The following HECW2 variants were observed in gnomAD, a reference collection of about 807,000 sequenced individuals.
The protein encoded by HECW2 is E3 ubiquitin-protein ligase HECW2.
A neutral mutation model predicts 175.2 loss-of-function variants in HECW2; 61 were observed. The observed-to-expected ratio is 0.35, with a 90% confidence interval of 0.28 to 0.43. The LOEUF (loss-of-function observed/expected upper bound fraction) is 0.43. Ranked by LOEUF, HECW2 falls within the 20% of genes least tolerant of loss-of-function variation. The probability of loss-of-function intolerance (pLI) is 1.00; values close to 1 mark genes in which losing one functional copy is unlikely to be tolerated. For missense variants in HECW2, 1,524 were observed against 2,000.5 expected (o/e 0.76, Z 4.54); for synonymous variants, 671 against 731.0 (o/e 0.92, Z 1.32).
At chr2:196,573,156 T>C (rs1690444198) in intron 1 of HECW2, among the ~76,000 whole-genome samples, 2 of 151,430 alleles carry the variant, frequency 1.3e-5, no homozygotes, top group African/African-American at 2.4e-5. Flanking sequence ...CAGGCAGTTT[T>C]ATAATTCAGT....
At chr2:196,264,107 T>C (rs1022598474) in intron 17 of HECW2, 4 of 152,212 alleles carry the variant, frequency 2.6e-5, no homozygotes, top group African/African-American at 9.6e-5. Context: ...TTTTGTTTGC[T>C]TTGTAAGAAA....
chr2:196,211,762 C>G (rs963347744), intron 28 of HECW2, among the ~76,000 whole-genome samples: 2 of 152,148 alleles, frequency 1.3e-5, no homozygotes, highest in Admixed American at 6.5e-5. Flanking sequence ...CAGGACTGCC[C>G]TCATCCTTTA....
intron 21 of HECW2, among the ~76,000 whole-genome samples, chr2:196,231,096 A>AAAAAG: frequency 6.7e-6 from 1 of 149,576 alleles, no homozygotes; most frequent in Non-Finnish European, 1.5e-5. Context: ...CCGTCTCAAA[A>AAAAAG]AAAAAAAAAA....
chr2:196,288,506 CA>C (rs1014460014), intron 14 of HECW2: 1 of 152,352 alleles, frequency 6.6e-6, no homozygotes, highest in African/African-American at 2.4e-5. Flanking sequence ...GCCATTCTCT[CA>C]GACCACCATG....
intron 17 of HECW2, among the ~76,000 whole-genome samples, chr2:196,269,721 G>A (rs1247453580): frequency 6.6e-6 from 1 of 152,036 alleles, no homozygotes; most frequent in East Asian, 1.9e-4. Flanking sequence ...AACGCATAAG[G>A]ACTTGAAAAG....
intron 1 of HECW2, among the ~76,000 whole-genome samples, chr2:196,515,571 A>T (rs1384920205): frequency 6.6e-6 from 1 of 152,156 alleles, no homozygotes. Context: ...ACAACATGCA[A>T]CCCTTTCCAA....
chr2:196,359,531 G>A (rs561231709), intron 2 of HECW2, among the ~76,000 whole-genome samples: 15 of 152,292 alleles, frequency 9.8e-5, no homozygotes, highest in African/African-American at 3.6e-4. Context: ...AATAGTAAGT[G>A]AAGTTTAGCA....
intron 17 of HECW2, chr2:196,260,141 A>C (rs1268577499): frequency 2.0e-5 from 3 of 152,248 alleles, no homozygotes; most frequent in African/African-American, 7.2e-5. Flanking sequence ...AGAAAAAGAA[A>C]GGACAAAGGC....
intron 14 of HECW2, among the ~76,000 whole-genome samples, chr2:196,280,926 TA>T (rs755913268): frequency 6.6e-6 from 1 of 152,220 alleles, no homozygotes; most frequent in African/African-American, 2.4e-5. Context: ...CTTTTATTAC[TA>T]ACACAATCCT....
At chr2:196,207,393 T>A (rs1270648339) in intron 28 of HECW2, among the ~76,000 whole-genome samples, 1 of 152,224 alleles carries the variant, frequency 6.6e-6, no homozygotes, top group Non-Finnish European at 1.5e-5. Context: ...ATGGTAAAAC[T>A]TGTTAGAATT....
chr2:196,216,962 A>C, intron 27 of HECW2, 46 bp downstream of exon 27: 1 of 1,263,952 alleles, frequency 7.9e-7, no homozygotes. Flanking sequence ...CACTTCCAAC[A>C]ATAATCATAT....
intron 1 of HECW2, among the ~76,000 whole-genome samples, chr2:196,462,793 TCAA>T: frequency 6.6e-6 from 1 of 152,208 alleles, no homozygotes; most frequent in East Asian, 1.9e-4. Context: ...CTTTTTCATC[TCAA>T]CAACAAAGAC....
At chr2:196,309,651 T>C (rs1263519666) in intron 10 of HECW2, among the ~76,000 whole-genome samples, 1 of 152,136 alleles carries the variant, frequency 6.6e-6, no homozygotes, top group Non-Finnish European at 1.5e-5. Flanking sequence ...GGAGTCAGGG[T>C]AATTCAGGCA....
Position 196,277,645 on chromosome 2 carries a change from T to C in HECW2, c.3135+883A>G, listed in dbSNP as rs567266023. ...TACTGGGTATATACCCAAAGGACTATAAATCATGCTGCTATAAAGACACAT... is the reference window on the plus strand; with the variant it reads ...TACTGGGTATATACCCAAAGGACTACAAATCATGCTGCTATAAAGACACAT... On this transcript the variant is annotated intron_variant, in intron 15 of 28. Coordinates refer to ENST00000644978, the MANE Select transcript of HECW2 (RefSeq NM_001348768.2). 8.5e-5 allele frequency among the ~76,000 whole-genome samples: 13 copies of C among 152,256 alleles called. No homozygotes were observed. In the East Asian group the frequency reaches 2.5e-3, roughly 29 times the overall value.
chr2:196,319,387 G>C lies in HECW2; in HGVS notation c.1503C>G (p.Ser501Arg). 6.2e-7 allele frequency: 1 copy of C among 1,613,514 alleles called. No individual in the cohort carries two copies. The highest frequency in any genetic ancestry group is 8.5e-7 in the Non-Finnish European group (1 of 1,180,010). The change falls in exon 9 of 29, where the codon AGC (serine) becomes AGG (arginine). Residue 501 changes from serine to arginine, a missense_variant. Ser to Arg is a moderately radical substitution (Grantham distance 110). Around this residue, in one of 11 missense-constraint regions of HECW2, gnomAD observed 604 missense variants for 588.3 expected, o/e 1.03. Transcript: ENST00000644978. The stretch of plus-strand genomic sequence containing the variant: ...CCTCCAGCTTTGTCTGAGATGTCAG[G>C]CTTCCATCATCAGCTCTGGATGCCC... ...FSRASRADDG[S>R]LTSQTKLEDN... is the part of the protein sequence containing the mutation.
intron 13 of HECW2, among the ~76,000 whole-genome samples, chr2:196,303,722 G>A (rs1041898920): frequency 1.3e-5 from 2 of 152,010 alleles, no homozygotes; most frequent in Non-Finnish European, 2.9e-5. Flanking sequence ...TCTCTGACAC[G>A]GTTGTTTGTA....
At chr2:196,267,847 T>C (rs565797704) in intron 17 of HECW2, among the ~76,000 whole-genome samples, 5 of 152,316 alleles carry the variant, frequency 3.3e-5, no homozygotes, top group Non-Finnish European at 7.4e-5. Context: ...CATTATATTA[T>C]GGGAAAAATA....
chr2:196,388,948 T>A lies in HECW2; in HGVS notation c.292+44184A>T, dbSNP rs569144117. On this transcript the variant is annotated intron_variant, in intron 2 of 28. Transcript: ENST00000644978. ...TTTGGAAGCATGGTTACTGCCACTCTGAGGGGCACCCCAGTGAAAAACTGA... is the reference window on the plus strand; with the variant it reads ...TTTGGAAGCATGGTTACTGCCACTCAGAGGGGCACCCCAGTGAAAAACTGA... Among the ~76,000 whole-genome samples the A allele has an allele frequency of 2.0e-5, 3 of 152,348 alleles. No homozygotes were observed. The East Asian group carries it at 5.8e-4, about 29-fold the overall frequency.
At chr2:196,519,907 G>T (rs1368397711) in intron 1 of HECW2, among the ~76,000 whole-genome samples, 1 of 152,202 alleles carries the variant, frequency 6.6e-6, no homozygotes, top group African/African-American at 2.4e-5. Context: ...CAGAGGAAGT[G>T]ATCTTCCCTC....
Sources: gnomAD v4.1 joint callset for allele counts (sites outside exome capture counted in the v4.1 genomes callset) on GRCh38, gnomAD v4.1.1 for gene constraint, gnomAD v4.1.1 regional missense constraint, MANE v1.5 for transcripts, NCBI Gene and HGNC (gene_info 2026-07-23, HGNC 2026-07-21) for gene names.